PCDH15: variants seen among roughly 807,000 people sequenced by gnomAD.
PCDH15 encodes the protein protocadherin related 15.
A neutral mutation model predicts 178.5 loss-of-function variants in PCDH15; 129 were observed. The observed-to-expected ratio is 0.72, with a 90% CI of 0.63 to 0.84. The LOEUF (loss-of-function observed/expected upper bound fraction) is 0.84. PCDH15 is among the 40% of genes least tolerant of loss of function. The pLI is 0.00. For synonymous variants in PCDH15, 800 were observed against 732.0 expected, an observed-to-expected ratio of 1.09 and a Z score of -1.50; for missense variants, 2,230 against 2,099.9, an observed-to-expected ratio of 1.06 and a Z score of -1.21.
chr10:54,672,654 G>A (rs943652726), intron 1 of PCDH15, among the ~76,000 whole-genome samples: 1 of 152,048 alleles, frequency 6.6e-6, no homozygotes, highest in African/African-American at 2.4e-5. Flanking sequence ...CAATCTAAAT[G>A]AGCTTTGTAA....
chr10:55,625,643 C>T (rs113951239), intron 2 of PCDH15, among the ~76,000 whole-genome samples: 52 of 152,280 alleles, frequency 3.4e-4, no homozygotes, highest in African/African-American at 1.1e-3. Flanking sequence ...GAGATCTGTT[C>T]TTCCCTCCTT....
At chr10:54,032,862 A>C (rs564542313) in intron 18 of PCDH15, among the ~76,000 whole-genome samples, 6 of 151,974 alleles carry the variant, frequency 3.9e-5, no homozygotes, top group Non-Finnish European at 8.8e-5. Context: ...ATCATGGTGG[A>C]TGGTGAAGGG....
At chr10:55,496,874 G>A (rs1292454697) in intron 2 of PCDH15, among the ~76,000 whole-genome samples, 2 of 151,636 alleles carry the variant, frequency 1.3e-5, no homozygotes, top group South Asian at 2.1e-4. Context: ...GTTTTGAAAA[G>A]GTCAGGTAAA....
chr10:55,525,825 G>A (rs546517486), intron 2 of PCDH15, among the ~76,000 whole-genome samples: 1 of 151,946 alleles, frequency 6.6e-6, no homozygotes, highest in South Asian at 2.1e-4. Flanking sequence ...CATCACTGCA[G>A]AATTAAGGTG....
intron 11 of PCDH15, chr10:54,189,292 A>T (rs2048752933): frequency 2.3e-6 from 3 of 1,329,710 alleles, no homozygotes; most frequent in South Asian, 2.6e-5. Context: ...TTAGTGAAGA[A>T]AAAAAAGAAC....
intron 3 of PCDH15, among the ~76,000 whole-genome samples, chr10:54,479,004 A>AG (rs2078493011): frequency 6.7e-6 from 1 of 148,176 alleles, no homozygotes. Flanking sequence ...GCTAGGGAAA[A>AG]GAAAAAAAAA....
chr10:54,290,111 T>A (rs552686692), intron 8 of PCDH15, among the ~76,000 whole-genome samples: 25 of 152,114 alleles, frequency 1.6e-4, no homozygotes, highest in African/African-American at 5.8e-4. Flanking sequence ...ACCAAGGTTG[T>A]AATGAAGGAA....
At chr10:53,811,692 C>T (rs1384697786) in intron 35 of PCDH15, 73 bp from the exon 36 acceptor site, 13 of 855,102 alleles carry the variant, frequency 1.5e-5, no homozygotes, top group Non-Finnish European at 1.8e-6. Flanking sequence ...CAGATTTCTA[C>T]ACCTAGAATT....
At chr10:54,748,527 C>T (rs1049102768) in intron 1 of PCDH15, among the ~76,000 whole-genome samples, 7 of 152,076 alleles carry the variant, frequency 4.6e-5, no homozygotes, top group African/African-American at 1.7e-4. Context: ...TGTGTCCCCA[C>T]GGTATATTCG....
chr10:54,753,469 C>T (rs905794798), intron 1 of PCDH15, among the ~76,000 whole-genome samples: 1 of 152,116 alleles, frequency 6.6e-6, no homozygotes, highest in Non-Finnish European at 1.5e-5. Flanking sequence ...AGGCGTGAGC[C>T]ACCAGGTCCG....
intron 26 of PCDH15, among the ~76,000 whole-genome samples, chr10:53,867,858 A>T (rs954458162): frequency 1.3e-5 from 2 of 152,256 alleles, no homozygotes; most frequent in African/African-American, 4.8e-5. Flanking sequence ...TTAGAGTTAG[A>T]ATACTATCCG....
intron 37 of PCDH15, chr10:53,808,514 A>G: frequency 1.4e-6 from 2 of 1,426,416 alleles, no homozygotes; most frequent in Non-Finnish European, 1.8e-6. Context: ...ATACAGTCTA[A>G]TATACAAATG....
intron 9 of PCDH15, among the ~76,000 whole-genome samples, chr10:54,233,029 G>C (rs978883035): frequency 6.7e-6 from 1 of 148,600 alleles, no homozygotes; most frequent in African/African-American, 2.5e-5. Flanking sequence ...CTGCAGCCTT[G>C]ACTTCCCAGA....
At chr10:54,534,179 T>C (rs1034591306) in intron 2 of PCDH15, among the ~76,000 whole-genome samples, 1 of 152,202 alleles carries the variant, frequency 6.6e-6, no homozygotes, top group Non-Finnish European at 1.5e-5. Flanking sequence ...AAATGTTTTT[T>C]CTATTTTTTT....
intron 1 of PCDH15, among the ~76,000 whole-genome samples, chr10:54,671,659 G>A (rs2094676032): frequency 6.6e-6 from 1 of 152,142 alleles, no homozygotes; most frequent in Non-Finnish European, 1.5e-5. Context: ...TATAGCATAA[G>A]TGTTTACTGA....
At chr10:53,970,502 GT>G (rs201979503) in intron 21 of PCDH15, among the ~76,000 whole-genome samples, 1 of 150,760 alleles carries the variant, frequency 6.6e-6, no homozygotes, top group South Asian at 2.1e-4. Context: ...TCCAGGAGCT[GT>G]TTTTTTTTAA....
At chr10:54,926,683 G>A (rs1021110697) in intron 2 of PCDH15, among the ~76,000 whole-genome samples, 5 of 151,922 alleles carry the variant, frequency 3.3e-5, no homozygotes, top group African/African-American at 1.2e-4. Context: ...AGTCTTGCGA[G>A]GGTATATGTG....
chr10:53,919,163 T>G (rs1282990797), intron 25 of PCDH15, among the ~76,000 whole-genome samples: 13 of 152,172 alleles, frequency 8.5e-5, no homozygotes, highest in Non-Finnish European at 1.5e-5. Flanking sequence ...CAATTACATC[T>G]GGGAAGTCCC....
intron 2 of PCDH15, among the ~76,000 whole-genome samples, chr10:54,577,265 G>C (rs906610951): frequency 2.5e-5 from 2 of 79,882 alleles, no homozygotes; most frequent in Non-Finnish European, 5.4e-5. Flanking sequence ...TTTTTTTTTT[G>C]TAATTTTTAG....
Sources: gnomAD v4.1 joint callset for allele counts (sites outside exome capture counted in the v4.1 genomes callset) on GRCh38, gnomAD v4.1.1 for gene constraint, MANE v1.5 for transcripts, NCBI Gene and HGNC (gene_info 2026-07-23, HGNC 2026-07-21) for gene names.